The following OSBP2 variants were observed in gnomAD, a reference collection of about 807,000 sequenced individuals.
OSBP2 encodes oxysterol binding protein 2, also known as oxysterol-binding protein 2.
Under a neutral mutation model 96.0 loss-of-function variants are expected in OSBP2, and 66 were observed. The observed-to-expected ratio is 0.69, with a 90% confidence interval of 0.56 to 0.84. The LOEUF (loss-of-function observed/expected upper bound fraction) is 0.84, where lower values mean the gene tolerates loss of function less well. Among genes scored for constraint, OSBP2 ranks in the 40% least tolerant of loss-of-function variants. The pLI, the probability that OSBP2 is intolerant of heterozygous loss-of-function variation, is 0.00. For missense variants in OSBP2, 1,038 were observed against 1,222.7 expected, an observed-to-expected ratio of 0.85 and a Z score of 2.25; for synonymous variants, 525 against 520.9, an observed-to-expected ratio of 1.01 and a Z score of -0.11.
intron 2 of OSBP2, among the ~76,000 whole-genome samples, chr22:30,816,977 C>T (rs948436877): frequency 2.0e-5 from 3 of 152,126 alleles, no homozygotes; most frequent in South Asian, 2.1e-4. Context: ...TCAAGTGGTC[C>T]GGCCGCCTCA....
At position 30,907,056 on chromosome 22, in the gene OSBP2, A is replaced by C. The variant is rs1311419961; in HGVS notation, c.*717A>C. On this transcript the variant is annotated 3_prime_UTR_variant, in exon 14 of 14. Coordinates refer to ENST00000332585, the MANE Select transcript of OSBP2 (RefSeq NM_030758.4). ...GGTACTGATGGTAACCCCCATGTGG[A>C]TTTGAGGGCAGCAGTCCCTGGCCTC... 1 of 152,542 alleles carries C rather than the reference A, an allele frequency of 6.6e-6. No individual in the cohort carries two copies. Among genetic ancestry groups the C allele is most frequent in the African/African-American group, 2.4e-5 (1 of 41,432 alleles). 9.4% of individuals were successfully genotyped at this position (152,542 alleles called of 1,614,324 possible). A position where few individuals can be genotyped will look rare whatever the true frequency, so the allele number is the denominator to read the frequency against.
chr22:30,896,657 T>TC (rs1407733617), intron 12 of OSBP2, among the ~76,000 whole-genome samples: 1 of 151,524 alleles, frequency 6.6e-6, no homozygotes, highest in Non-Finnish European at 1.5e-5. Flanking sequence ...ATTTTTTTTT[T>TC]TTTTTTAAGA....
In OSBP2 at chr22:30,900,384, G is replaced by A. The variant is rs931287467; in HGVS notation, c.2376-5453G>A. On this transcript the variant is annotated intron_variant, in intron 12 of 13. Transcript: ENST00000332585. Reference sequence around the variant, plus strand: ...ACCAAAGAAGAGCTAAATAAATGGAGAAAGATATAATGTTCACGGATAGAA... The same window carrying A: ...ACCAAAGAAGAGCTAAATAAATGGAAAAAGATATAATGTTCACGGATAGAA... Among the ~76,000 whole-genome samples the A allele has an allele frequency of 2.6e-5, 4 of 152,062 alleles. No individual in the cohort carries two copies. The East Asian group carries it at 7.7e-4, about 29-fold the overall frequency.
intron 2 of OSBP2, among the ~76,000 whole-genome samples, chr22:30,780,810 G>A (rs1282681990): frequency 2.6e-5 from 4 of 151,948 alleles, no homozygotes; most frequent in Non-Finnish European, 5.9e-5. Flanking sequence ...CAACTAAACT[G>A]TTTAAATTGA....
At chr22:30,826,004 C>T (rs542416619) in intron 2 of OSBP2, among the ~76,000 whole-genome samples, 1 of 152,072 alleles carries the variant, frequency 6.6e-6, no homozygotes, top group South Asian at 2.1e-4. Flanking sequence ...TTTGCACAGA[C>T]CCCCAGAAAA....
intron 2 of OSBP2, among the ~76,000 whole-genome samples, chr22:30,829,917 C>G (rs991662366): frequency 1.3e-5 from 2 of 152,136 alleles, no homozygotes; most frequent in Non-Finnish European, 2.9e-5. Flanking sequence ...ACAGGTGACC[C>G]GACGGGGGCC....
chr22:30,746,520 G>A (rs568623651), intron 2 of OSBP2, among the ~76,000 whole-genome samples: 248 of 102,072 alleles, frequency 2.4e-3, no homozygotes, highest in Non-Finnish European at 2.7e-3. Context: ...ATGGAGTTTC[G>A]CTCTTGTTGC....
intron 2 of OSBP2, among the ~76,000 whole-genome samples, chr22:30,817,658 A>G (rs1408643086): frequency 6.6e-6 from 1 of 152,154 alleles, no homozygotes; most frequent in African/African-American, 2.4e-5. Context: ...TTGATGAGTG[A>G]TTATGTTGCT....
intron 2 of OSBP2, among the ~76,000 whole-genome samples, chr22:30,783,301 G>GTTT (rs2090544817): frequency 7.5e-5 from 5 of 67,058 alleles, no homozygotes; most frequent in African/African-American, 4.0e-4. Flanking sequence ...CATTCAGAGA[G>GTTT]CTTTTTTTTT....
chr22:30,820,395 A>AT (rs1033427299), intron 2 of OSBP2, among the ~76,000 whole-genome samples: 21 of 151,994 alleles, frequency 1.4e-4, no homozygotes, highest in African/African-American at 4.6e-4. Context: ...TCTCTAAAAA[A>AT]AAAATAAAAT....
At chr22:30,895,119 C>G (rs2040033903) in intron 12 of OSBP2, among the ~76,000 whole-genome samples, 1 of 152,158 alleles carries the variant, frequency 6.6e-6, no homozygotes, top group Non-Finnish European at 1.5e-5. Context: ...GGGAGGGAAA[C>G]TGCTCAAAGG....
intron 2 of OSBP2, among the ~76,000 whole-genome samples, chr22:30,834,574 G>A (rs754283881): frequency 3.9e-5 from 6 of 152,020 alleles, no homozygotes; most frequent in Non-Finnish European, 7.4e-5. Flanking sequence ...ATTTCATGGT[G>A]GTTTTGTTTT....
chr22:30,902,632 A>C, intron 12 of OSBP2: 2 of 634,492 alleles, frequency 3.2e-6, no homozygotes, highest in Non-Finnish European at 2.9e-6. Flanking sequence ...ATTTCAAAGA[A>C]CCGACAGAGG....
intron 2 of OSBP2, among the ~76,000 whole-genome samples, chr22:30,794,833 A>C (rs1602273569): frequency 1.3e-5 from 2 of 151,092 alleles, no homozygotes; most frequent in Non-Finnish European, 2.9e-5. Context: ...TATTATTGTT[A>C]TTTTATGTTT....
At chr22:30,880,870 C>T (rs1220841606) in intron 3 of OSBP2, among the ~76,000 whole-genome samples, 2 of 152,196 alleles carry the variant, frequency 1.3e-5, no homozygotes, top group Non-Finnish European at 1.5e-5. Flanking sequence ...GCAGCAACCC[C>T]TGCTCAGACC....
intron 2 of OSBP2, among the ~76,000 whole-genome samples, chr22:30,792,588 A>T (rs1440111997): frequency 3.3e-5 from 5 of 152,196 alleles, no homozygotes. Context: ...CCACCAGCAT[A>T]TGGCAATTAA....
intron 2 of OSBP2, among the ~76,000 whole-genome samples, chr22:30,841,034 G>T (rs542156816): frequency 6.6e-6 from 1 of 151,838 alleles, no homozygotes; most frequent in African/African-American, 2.4e-5. Flanking sequence ...GTGTGATGGC[G>T]GGCACCTGTA....
intron 2 of OSBP2, among the ~76,000 whole-genome samples, chr22:30,867,708 AAGGTGTACT>A: frequency 6.6e-6 from 1 of 152,314 alleles, no homozygotes; most frequent in East Asian, 1.9e-4. Context: ...GCTGCTTACT[AAGGTGTACT>A]CTTGAATAAC....
intron 2 of OSBP2, among the ~76,000 whole-genome samples, chr22:30,840,305 TAAAAAA>T (rs71202016): frequency 7.1e-6 from 1 of 140,850 alleles, no homozygotes; most frequent in Non-Finnish European, 1.5e-5. Flanking sequence ...ATAAACCTGT[TAAAAAA>T]AAAAAGAAAA....
Sources: gnomAD v4.1 joint callset for allele counts (sites outside exome capture counted in the v4.1 genomes callset) on GRCh38, gnomAD v4.1.1 for gene constraint, MANE v1.5 for transcripts, NCBI Gene and HGNC (gene_info 2026-07-23, HGNC 2026-07-21) for gene names.